Variants in DPH6 observed in about 807,000 individuals in gnomAD.
DPH6 encodes the protein diphthine--ammonia ligase.
Under a neutral mutation model 38.2 loss-of-function variants are expected in DPH6, and 33 were observed. That is an observed-to-expected ratio of 0.86 (90% CI 0.65 to 1.15). The LOEUF (loss-of-function observed/expected upper bound fraction) is 1.15, where lower values mean the gene tolerates loss of function less well. DPH6 is among the 50% of genes most tolerant of loss of function. The pLI is 0.00. For synonymous variants in DPH6, 108 were observed against 103.0 expected (o/e 1.05, Z -0.30); for missense variants, 325 against 320.0 (o/e 1.02, Z -0.12).
intron 5 of DPH6, among the ~76,000 whole-genome samples, chr15:35,422,925 T>A (rs1371994918): frequency 6.6e-6 from 1 of 151,934 alleles, no homozygotes; most frequent in African/African-American, 2.4e-5. Context: ...TACTTCATTG[T>A]ATAAATATAC....
At chr15:35,488,610 C>CCAGGT (rs10656270) in intron 3 of DPH6, among the ~76,000 whole-genome samples, 16,082 of 152,014 alleles carry the variant, frequency 0.11, 1,376 homozygotes, top group African/African-American at 0.24. Flanking sequence ...ACACCTCCCA[C>CCAGGT]CAGGTCCCTC....
the DPH6 span, among the ~76,000 whole-genome samples, chr15:35,171,014 T>G: frequency 4.6e-5 from 7 of 152,220 alleles, no homozygotes; most frequent in African/African-American, 1.7e-4. Flanking sequence ...AATTTTACAT[T>G]CTTCCCCTTT....
At chr15:35,484,530 TG>T (rs1444187706) in intron 3 of DPH6, among the ~76,000 whole-genome samples, 1 of 152,236 alleles carries the variant, frequency 6.6e-6, no homozygotes, top group African/African-American at 2.4e-5. Context: ...GGATGCTCAG[TG>T]GCAGTTAGCC....
intron 5 of DPH6, among the ~76,000 whole-genome samples, chr15:35,421,907 GT>G (rs2053509879): frequency 6.6e-6 from 1 of 151,960 alleles, no homozygotes; most frequent in African/African-American, 2.4e-5. Context: ...AATAAACAAG[GT>G]GCTGCAATAG....
intron 6 of DPH6, among the ~76,000 whole-genome samples, chr15:35,390,729 A>T (rs2053043204): frequency 6.6e-6 from 1 of 151,936 alleles, no homozygotes; most frequent in Non-Finnish European, 1.5e-5. Flanking sequence ...TGGTTATTCT[A>T]GTTATCGATT....
At chr15:35,156,836 G>T in the DPH6 span, among the ~76,000 whole-genome samples, 1 of 152,142 alleles carries the variant, frequency 6.6e-6, no homozygotes, top group African/African-American at 2.4e-5. Context: ...CACATTTATG[G>T]GAGTTGTCTA....
chr15:35,352,883 T>G (rs538122806), intron 3 of DPH6, among the ~76,000 whole-genome samples: 4 of 152,344 alleles, frequency 2.6e-5, no homozygotes, highest in African/African-American at 9.6e-5. Context: ...TTGAACTAGT[T>G]TACAGTCCCA....
chr15:35,502,065 T>C (rs1446978326), intron 3 of DPH6, among the ~76,000 whole-genome samples: 1 of 152,078 alleles, frequency 6.6e-6, no homozygotes, highest in Non-Finnish European at 1.5e-5. Context: ...GCTCAGAATA[T>C]GGGGAAAAAT....
chr15:35,221,029 A>G (rs2051438887), intron 3 of DPH6, among the ~76,000 whole-genome samples: 1 of 152,226 alleles, frequency 6.6e-6, no homozygotes, highest in South Asian at 2.1e-4. Context: ...AAAACATGCT[A>G]CAAGCTTCCA....
intron 3 of DPH6, among the ~76,000 whole-genome samples, chr15:35,268,784 G>A (rs1371528458): frequency 6.6e-6 from 1 of 151,828 alleles, no homozygotes; most frequent in Admixed American, 6.6e-5. Context: ...AAAGGACCAG[G>A]AATTGGGCTT....
At position 35,487,731 on chromosome 15, in the gene DPH6, T is replaced by C. The variant is rs533424104; in HGVS notation, c.313-32911A>G. On this transcript the variant is annotated intron_variant, in intron 3 of 8. Transcript: ENST00000256538. ...TTTGGCATTAACATTCAGCTTCTCC[T>C]TACTCATGCAAATTTCTGCAGCTGG... 8.5e-5 allele frequency among the ~76,000 whole-genome samples: 13 copies of C among 152,368 alleles called. No individual in the cohort carries two copies. In the South Asian group the frequency reaches 2.7e-3, roughly 32 times the overall value.
At chr15:35,524,804 G>C (rs903773241) in intron 3 of DPH6, among the ~76,000 whole-genome samples, 10 of 152,118 alleles carry the variant, frequency 6.6e-5, no homozygotes, top group African/African-American at 2.4e-4. Flanking sequence ...GGGTTTTCCA[G>C]CAATCAATAT....
At chr15:35,290,192 C>A (rs757831382) in intron 3 of DPH6, among the ~76,000 whole-genome samples, 9 of 152,196 alleles carry the variant, frequency 5.9e-5, no homozygotes, top group Admixed American at 1.3e-4. Context: ...TTTAGTGAGT[C>A]CTTTAGATGA....
At chr15:35,366,496 TA>T (rs1411830329), downstream of DPH6, among the ~76,000 whole-genome samples, 1 of 151,784 alleles carries the variant, frequency 6.6e-6, no homozygotes, top group Non-Finnish European at 1.5e-5. Context: ...ATCAGATATT[TA>T]AAAAAATTAA....
intron 3 of DPH6, among the ~76,000 whole-genome samples, chr15:35,282,285 C>T (rs1815282119): frequency 1.3e-5 from 2 of 152,132 alleles, no homozygotes; most frequent in African/African-American, 4.8e-5. Flanking sequence ...AATCCTCCTG[C>T]CTCAGCCTCC....
chr15:35,444,387 A>G (rs1477614760), intron 5 of DPH6, among the ~76,000 whole-genome samples: 1 of 152,168 alleles, frequency 6.6e-6, no homozygotes, highest in Non-Finnish European at 1.5e-5. Flanking sequence ...TACTTCGGCC[A>G]TTGGAGAACA....
intron 7 of DPH6, among the ~76,000 whole-genome samples, chr15:35,375,054 CT>C (rs2052762508): frequency 6.6e-6 from 1 of 152,054 alleles, no homozygotes; most frequent in African/African-American, 2.4e-5. Context: ...GACCCTGAGC[CT>C]TAACTATGTC....
chr15:35,218,571 A>C (rs1485469661), exon 4 of DPH6: 2 of 152,238 alleles, frequency 1.3e-5, no homozygotes, highest in African/African-American at 4.8e-5. Flanking sequence ...CTTACTGATT[A>C]AGTTAGACAG....
intron 3 of DPH6, among the ~76,000 whole-genome samples, chr15:35,273,749 A>G (rs1231942170): frequency 6.6e-6 from 1 of 152,204 alleles, no homozygotes; most frequent in Non-Finnish European, 1.5e-5. Context: ...TCAAGGAAAT[A>G]AGAGAGGACA....
Sources: allele counts gnomAD v4.1 joint callset (sites outside exome capture counted in the v4.1 genomes callset), GRCh38; gene constraint gnomAD v4.1.1; transcripts MANE v1.5; gene names NCBI Gene and HGNC (gene_info 2026-07-23, HGNC 2026-07-21).